Variants in SIN3B observed in about 807,000 individuals in gnomAD.
SIN3B encodes SIN3 transcription regulator family member B, also known as paired amphipathic helix protein Sin3b.
In SIN3B, 19 loss-of-function variants were observed where a neutral mutation model predicts 120.2. That is an observed-to-expected ratio of 0.16 (90% CI 0.11 to 0.23). The LOEUF (loss-of-function observed/expected upper bound fraction) is 0.23, where lower values mean the gene tolerates loss of function less well. Ranked by LOEUF, SIN3B falls within the 10% of genes least tolerant of loss-of-function variation. The pLI, the probability that SIN3B is intolerant of heterozygous loss-of-function variation, is 1.00. For missense variants in SIN3B, 1,073 were observed against 1,573.0 expected, an observed-to-expected ratio of 0.68 and a Z score of 5.38; for synonymous variants, 654 against 653.2, an observed-to-expected ratio of 1.00 and a Z score of -0.02.
chr19:16,873,319 G>A (rs578159874), intron 14 of SIN3B, among the ~76,000 whole-genome samples: 4 of 152,238 alleles, frequency 2.6e-5, no homozygotes, highest in African/African-American at 9.6e-5. Flanking sequence ...CCATAGCTGC[G>A]TTCTGACACC....
chr19:16,865,311 C>G lies in SIN3B; in HGVS notation c.1384-99C>G, dbSNP rs1053891490. The G allele has an allele frequency of 8.1e-5, 45 of 554,162 alleles. 3 individuals carry two copies. Among genetic ancestry groups the G allele is most frequent in the Non-Finnish European group, 1.3e-4 (40 of 301,004 alleles). The allele number at this position is 554,162 out of a possible 1,614,324, so 34.3% of individuals were successfully genotyped here. ...CCTATCTCTTAAATACACACACCCC[C>G]CCCCCAAAAAAATCCTCTGGTCTCT... On this transcript the variant is annotated intron_variant, in intron 10 of 18. Transcript: ENST00000248054.
At chr19:16,830,257 A>C (rs1005655181) in intron 2 of SIN3B, among the ~76,000 whole-genome samples, 3 of 152,182 alleles carry the variant, frequency 2.0e-5, no homozygotes, top group Non-Finnish European at 2.9e-5. Context: ...CAAGCGCTGT[A>C]AAATGTTATT....
In SIN3B at chr19:16,871,118, G is replaced by T. The variant is rs891398857; in HGVS notation, c.2423-111G>T. 5.2e-6 allele frequency: 7 copies of T among 1,350,402 alleles called. No individual in the cohort carries two copies. In the African/African-American group the frequency reaches 7.2e-5, roughly 14 times the overall value. 83.7% of individuals were successfully genotyped at this position (1,350,402 alleles called of 1,614,324 possible). The stretch of plus-strand genomic sequence containing the variant: ...ATTTGCCCCAGGGGTGGCAGGTGAG[G>T]GCTGTTGGGCCCCATGGGGGCATTT... On this transcript the variant is annotated intron_variant, in intron 13 of 18. Coordinates refer to ENST00000248054, the MANE Select transcript of SIN3B (RefSeq NM_001297595.2).
chr19:16,875,232 G>GGTCT (rs2051576449), intron 14 of SIN3B, among the ~76,000 whole-genome samples: 1 of 146,146 alleles, frequency 6.8e-6, no homozygotes, highest in Admixed American at 6.8e-5. Flanking sequence ...GGTCTGGTCT[G>GGTCT]GTCTGGTCTG....
intron 8 of SIN3B, among the ~76,000 whole-genome samples, chr19:16,860,488 C>T (rs573121896): frequency 1.7e-4 from 26 of 151,816 alleles, no homozygotes; most frequent in Admixed American, 1.3e-3. Context: ...TTCTTAAATA[C>T]GGGGAACGAC....
chr19:16,835,988 C>CT (rs535979685), intron 3 of SIN3B, among the ~76,000 whole-genome samples: 6 of 152,132 alleles, frequency 3.9e-5, no homozygotes, highest in African/African-American at 9.7e-5. Flanking sequence ...TTTGAAGTAT[C>CT]TTTTTCCCCC....
chr19:16,875,737 CGGTTTGGTCT>C (rs2051591899), intron 14 of SIN3B, among the ~76,000 whole-genome samples: 1 of 118,882 alleles, frequency 8.4e-6, no homozygotes, highest in Non-Finnish European at 1.7e-5. Flanking sequence ...CTGGTCTGGT[CGGTTTGGTCT>C]GGTCTGGTCT....
At chr19:16,863,324 AGT>A in intron 9 of SIN3B, 1 of 362,084 alleles carries the variant, frequency 2.8e-6, no homozygotes, top group Non-Finnish European at 4.9e-6. Context: ...TTAAGAATGC[AGT>A]GTAACAATGA....
intron 8 of SIN3B, among the ~76,000 whole-genome samples, chr19:16,857,519 G>A (rs936176452): frequency 4.5e-5 from 3 of 66,678 alleles, no homozygotes; most frequent in Admixed American, 3.7e-4. Context: ...AAAAAAATAT[G>A]TGTGTGTGTG....
rs1568425184 is a variant in SIN3B, at chr19:16,869,887, CCAA to C, written c.2242_2244del (p.Asn748del). On this transcript the variant is annotated inframe_deletion, in exon 13 of 19. Transcript: ENST00000248054. ...GACGATGTCTACAGCCTATTTTTTG[CCAA>C]CAACAACTGGTACTTCTTCCTGCGC... is the stretch of plus-strand genomic sequence containing the variant. 6.2e-7 allele frequency: 1 copy of C among 1,614,226 alleles called. No individual in the cohort carries two copies. The highest frequency in any genetic ancestry group is 1.1e-5 in the South Asian group (1 of 91,090).
At position 16,875,948 on chromosome 19, in the gene SIN3B, A is replaced by G. The variant is rs893818117; in HGVS notation, c.2593-107A>G. 16 of 1,321,660 alleles carry G rather than the reference A, an allele frequency of 1.2e-5. No homozygotes were observed. In the Admixed American group the frequency reaches 2.1e-4, roughly 17 times the overall value. 81.9% of individuals were successfully genotyped at this position (1,321,660 alleles called of 1,614,324 possible). A position where few individuals can be genotyped will look rare whatever the true frequency, so the allele number is the denominator to read the frequency against. On this transcript the variant is annotated intron_variant, in intron 14 of 18. Coordinates refer to ENST00000248054, the MANE Select transcript of SIN3B (RefSeq NM_001297595.2). ...TGGTCTCTTCATCCCTGTGTCATGC[A>G]CTCTCCATCCTGATGTGTTTCTGGC...
At chr19:16,838,086 TG>T (rs1333737591) in intron 3 of SIN3B, among the ~76,000 whole-genome samples, 2 of 152,054 alleles carry the variant, frequency 1.3e-5, no homozygotes, top group African/African-American at 4.8e-5. Context: ...GGGCTTGTGC[TG>T]GGTGGTTTAG....
At chr19:16,871,643 C>T (rs2051513219) in intron 14 of SIN3B, 1 of 463,304 alleles carries the variant, frequency 2.2e-6, no homozygotes, top group African/African-American at 2.0e-5. Context: ...TTCATCTTTC[C>T]AAAAGGAGAC....
At chr19:16,836,549 T>G (rs1236376330) in intron 3 of SIN3B, among the ~76,000 whole-genome samples, 1 of 152,198 alleles carries the variant, frequency 6.6e-6, no homozygotes, top group Admixed American at 6.5e-5. Context: ...CATTGTTTCT[T>G]ATTGGTTTTC....
At chr19:16,859,517 A>G (rs1340764774) in intron 8 of SIN3B, among the ~76,000 whole-genome samples, 1 of 152,200 alleles carries the variant, frequency 6.6e-6, no homozygotes, top group East Asian at 1.9e-4. Context: ...TCATGGGTCA[A>G]GCTGAGCCCA....
intron 14 of SIN3B, among the ~76,000 whole-genome samples, chr19:16,874,351 C>CCTGGT (rs1316102883): frequency 6.8e-6 from 1 of 147,604 alleles, no homozygotes; most frequent in Non-Finnish European, 1.5e-5. Flanking sequence ...TTTGGTCTGG[C>CCTGGT]CTGGTCTGGT....
chr19:16,829,941 C>T (rs751741028), intron 2 of SIN3B, 44 bp downstream of exon 2: 3 of 1,406,794 alleles, frequency 2.1e-6, no homozygotes, highest in African/African-American at 2.8e-5. Flanking sequence ...CCCCCTGGGC[C>T]GGAATCGGGC....
At chr19:16,874,020 G>T (rs956735210) in intron 14 of SIN3B, among the ~76,000 whole-genome samples, 7 of 152,212 alleles carry the variant, frequency 4.6e-5, no homozygotes, top group Non-Finnish European at 8.8e-5. Context: ...AAGGAGTGTG[G>T]TCCCCTGACC....
chr19:16,829,909 G>A lies in SIN3B; in HGVS notation c.227+12G>A. On this transcript the variant is annotated intron_variant, in intron 2 of 18. Coordinates refer to ENST00000248054, the MANE Select transcript of SIN3B (RefSeq NM_001297595.2). ...TTCAAAAGCCAGAGGTACCAGCGGG[G>A]CCCCTCTCCACCTCAGGGGACCCCC... 1 of 1,597,206 alleles carries A rather than the reference G, an allele frequency of 6.3e-7. No homozygotes were observed. Among genetic ancestry groups the A allele is most frequent in the Non-Finnish European group, 8.6e-7 (1 of 1,165,150 alleles).
Sources: allele counts gnomAD v4.1 joint callset (sites outside exome capture counted in the v4.1 genomes callset), GRCh38; gene constraint gnomAD v4.1.1; transcripts MANE v1.5; gene names NCBI Gene and HGNC (gene_info 2026-07-23, HGNC 2026-07-21).